Variants in ULK4 observed in about 807,000 individuals in gnomAD.
ULK4 encodes inactive serine/threonine-protein kinase ULK4.
ULK4 carries 133 observed loss-of-function variants against 160.6 expected under a neutral mutation model. The ratio of observed to expected loss-of-function variants is 0.83; its 90% confidence interval spans 0.72 to 0.96. ULK4 has a LOEUF of 0.96. Ranked by LOEUF, ULK4 falls within the 40% of genes least tolerant of loss-of-function variation. The pLI, the probability that ULK4 is intolerant of heterozygous loss-of-function variation, is 0.00. For synonymous variants in ULK4, 534 were observed against 539.8 expected, an observed-to-expected ratio of 0.99 and a Z score of 0.15; for missense variants, 1,580 against 1,499.5, an observed-to-expected ratio of 1.05 and a Z score of -0.89.
chr3:41,650,262 C>A (rs1259553074), intron 30 of ULK4, among the ~76,000 whole-genome samples: 4 of 152,192 alleles, frequency 2.6e-5, no homozygotes, highest in Non-Finnish European at 2.9e-5. Flanking sequence ...CCACCAAATG[C>A]CAGGACTGAA....
chr3:41,600,900 A>C (rs2032019205), intron 31 of ULK4, among the ~76,000 whole-genome samples: 1 of 152,222 alleles, frequency 6.6e-6, no homozygotes. Flanking sequence ...CACACTCCCA[A>C]GGAAACAGAG....
chr3:41,302,802 G>A (rs542570079), intron 35 of ULK4, among the ~76,000 whole-genome samples: 15 of 152,280 alleles, frequency 9.9e-5, no homozygotes, highest in African/African-American at 3.4e-4. Context: ...ATAATTGAAA[G>A]CACTTCAGTG....
intron 35 of ULK4, among the ~76,000 whole-genome samples, chr3:41,380,236 T>G (rs1342771359): frequency 1.3e-5 from 2 of 152,120 alleles, no homozygotes; most frequent in African/African-American, 2.4e-5. Flanking sequence ...GGAATGCTAA[T>G]TTGAATAGCA....
At chr3:41,469,268 A>C (rs1425990069) in intron 32 of ULK4, among the ~76,000 whole-genome samples, 4 of 152,184 alleles carry the variant, frequency 2.6e-5, no homozygotes, top group Admixed American at 2.0e-4. Context: ...TGAATTTCTA[A>C]TGAACATAGC....
intron 35 of ULK4, among the ~76,000 whole-genome samples, chr3:41,337,555 G>A (rs755628010): frequency 2.1e-4 from 32 of 152,116 alleles, no homozygotes; most frequent in Admixed American, 6.5e-4. Context: ...ACACACACAC[G>A]CATGTGCACA....
At chr3:41,875,306 A>G (rs564453746) in intron 17 of ULK4, among the ~76,000 whole-genome samples, 5 of 152,290 alleles carry the variant, frequency 3.3e-5, no homozygotes, top group Non-Finnish European at 7.4e-5. Flanking sequence ...TAATCCCAAC[A>G]CTTTGGGAGG....
At chr3:41,937,417 C>T in intron 3 of ULK4, 3 of 652,504 alleles carry the variant, frequency 4.6e-6, no homozygotes, top group South Asian at 3.4e-5. Context: ...TTCTAAGTAT[C>T]AATATAAGTT....
At chr3:41,297,354 T>C (rs2079690409) in intron 35 of ULK4, among the ~76,000 whole-genome samples, 1 of 152,218 alleles carries the variant, frequency 6.6e-6, no homozygotes, top group Non-Finnish European at 1.5e-5. Context: ...ACAGAGGGCA[T>C]GCCTCAGCCT....
At chr3:41,528,025 T>A (rs921207404) in intron 32 of ULK4, among the ~76,000 whole-genome samples, 2 of 152,224 alleles carry the variant, frequency 1.3e-5, no homozygotes, top group African/African-American at 2.4e-5. Context: ...AGGACAATTA[T>A]CCACTACAGA....
intron 35 of ULK4, among the ~76,000 whole-genome samples, chr3:41,305,986 A>G (rs1272656117): frequency 1.7e-5 from 2 of 120,202 alleles, no homozygotes; most frequent in African/African-American, 4.8e-5. Context: ...CTGCCCGGCA[A>G]CCGCCCCGTC....
intron 22 of ULK4, among the ~76,000 whole-genome samples, chr3:41,735,025 G>A (rs1476988555): frequency 6.6e-6 from 1 of 152,206 alleles, no homozygotes; most frequent in Non-Finnish European, 1.5e-5. Flanking sequence ...AAGGAATTGG[G>A]TGCCAGAAAA....
intron 17 of ULK4, among the ~76,000 whole-genome samples, chr3:41,845,841 A>C (rs1242613392): frequency 6.6e-6 from 1 of 152,162 alleles, no homozygotes; most frequent in East Asian, 1.9e-4. Flanking sequence ...CAATTATCTC[A>C]AAACAAAAAG....
intron 35 of ULK4, among the ~76,000 whole-genome samples, chr3:41,250,144 T>C (rs1344512021): frequency 2.0e-5 from 3 of 152,120 alleles, no homozygotes; most frequent in Non-Finnish European, 4.4e-5. Flanking sequence ...ATTTGCAGAA[T>C]CATACACTCT....
intron 2 of ULK4, among the ~76,000 whole-genome samples, chr3:41,947,910 T>C (rs761316659): frequency 5.7e-4 from 87 of 152,206 alleles, no homozygotes; most frequent in Non-Finnish European, 6.2e-4. Context: ...TGAATGAATC[T>C]TGGAAAAAAG....
chr3:41,786,598 C>CAA (rs34207417), intron 21 of ULK4, among the ~76,000 whole-genome samples: 132 of 64,016 alleles, frequency 2.1e-3, no homozygotes, highest in Middle Eastern at 9.4e-3. Context: ...ATCCTGTCTC[C>CAA]AAAAAAAAAA....
chr3:41,751,626 C>T (rs1175386115), intron 22 of ULK4, among the ~76,000 whole-genome samples: 2 of 152,170 alleles, frequency 1.3e-5, no homozygotes, highest in East Asian at 3.9e-4. Flanking sequence ...TAAGTCACAG[C>T]AATTCCCAGG....
At chr3:41,773,257 A>G in intron 21 of ULK4, among the ~76,000 whole-genome samples, 1 of 152,196 alleles carries the variant, frequency 6.6e-6, no homozygotes, top group Non-Finnish European at 1.5e-5. Flanking sequence ...AGGGCATTCA[A>G]TTAGGAAAAG....
chr3:41,740,271 A>G (rs961647226), intron 22 of ULK4, among the ~76,000 whole-genome samples: 6 of 151,916 alleles, frequency 3.9e-5, no homozygotes, highest in African/African-American at 1.5e-4. Context: ...TTAAAATCAA[A>G]GCAGATTTTT....
At chr3:41,762,764 G>A (rs976507438) in intron 21 of ULK4, among the ~76,000 whole-genome samples, 43 of 145,922 alleles carry the variant, frequency 2.9e-4, no homozygotes, top group African/African-American at 9.6e-4. Context: ...CCAGGTTCAC[G>A]CCATTCTCCT....
Sources: gnomAD v4.1 joint callset for allele counts (sites outside exome capture counted in the v4.1 genomes callset) on GRCh38, gnomAD v4.1.1 for gene constraint, MANE v1.5 for transcripts, NCBI Gene and HGNC (gene_info 2026-07-23, HGNC 2026-07-21) for gene names.